SLC8A1: variants seen among roughly 807,000 people sequenced by gnomAD.
The protein encoded by SLC8A1 is solute carrier family 8 member A1.
A neutral mutation model predicts 68.3 loss-of-function variants in SLC8A1; 18 were observed. The observed-to-expected ratio is 0.26, with a 90% CI of 0.18 to 0.39. The LOEUF is 0.39. Among genes scored for constraint, SLC8A1 ranks in the 10% least tolerant of loss-of-function variants. SLC8A1 has a pLI of 1.00. For synonymous variants in SLC8A1, 475 were observed against 415.5 expected, an observed-to-expected ratio of 1.14 and a Z score of -1.74; for missense variants, 985 against 1,156.7, an observed-to-expected ratio of 0.85 and a Z score of 2.15.
chr2:40,392,061 G>A (rs1185380164), intron 2 of SLC8A1, among the ~76,000 whole-genome samples: 2 of 70,058 alleles, frequency 2.9e-5, no homozygotes, highest in Non-Finnish European at 2.6e-5. Flanking sequence ...AAAATAAGAA[G>A]GAAGGAGAAG....
rs572258156 is a variant in SLC8A1, at chr2:40,350,587, C to CAAAAAAAAA, written c.1808+77877_1808+77885dup. On this transcript the variant is annotated intron_variant, in intron 2 of 7. Coordinates refer to ENST00000406785, the Ensembl canonical transcript of SLC8A1. ...ATTACTTCTCACGCACCCAGACAAG[C>CAAAAAAAAA]AAAAAAAAAAAAAAAAAAAAAAAAA... 2.3e-3 allele frequency among the ~76,000 whole-genome samples: 179 copies of CAAAAAAAAA among 76,186 alleles called. 1 individual carries two copies. Among genetic ancestry groups the CAAAAAAAAA allele is most frequent in the Middle Eastern group, 9.1e-3 (1 of 110 alleles). 50.0% of individuals were successfully genotyped at this position (76,186 alleles called of 152,430 possible). A position where few individuals can be genotyped will look rare whatever the true frequency, so the allele number is the denominator to read the frequency against.
At chr2:40,162,860 G>A (rs890787778) in intron 5 of SLC8A1, among the ~76,000 whole-genome samples, 2 of 152,174 alleles carry the variant, frequency 1.3e-5, no homozygotes, top group Non-Finnish European at 1.5e-5. Context: ...TAAGAACTCA[G>A]TGGGTAAAGC....
chr2:40,355,727 T>C (rs2149460805), intron 2 of SLC8A1, among the ~76,000 whole-genome samples: 2 of 152,276 alleles, frequency 1.3e-5, no homozygotes, highest in South Asian at 2.1e-4. Flanking sequence ...GGTCCACTGC[T>C]CCAGGTCATC....
At chr2:40,347,833 C>T (rs1047485212) in intron 2 of SLC8A1, among the ~76,000 whole-genome samples, 8 of 152,074 alleles carry the variant, frequency 5.3e-5, no homozygotes, top group South Asian at 2.1e-4. Context: ...TTTCAAAGTC[C>T]ATACATTTTC....
At chr2:40,359,913 T>G (rs2149476088) in intron 2 of SLC8A1, among the ~76,000 whole-genome samples, 1 of 142,788 alleles carries the variant, frequency 7.0e-6, no homozygotes, top group East Asian at 2.0e-4. Flanking sequence ...TTAAATATCT[T>G]TTACCCAGAG....
In SLC8A1 at chr2:40,436,761, C is replaced by T. The variant is rs374616117; in HGVS notation, c.-24-6457G>A. On this transcript the variant is annotated intron_variant, in intron 1 of 7. Transcript: ENST00000406785. Reference sequence around the variant, plus strand: ...TTAAATATTAATCTGCATGCTAACACGGAAATATGGGTAGAAAAAAGAAAG... The same window carrying T: ...TTAAATATTAATCTGCATGCTAACATGGAAATATGGGTAGAAAAAAGAAAG... 3.5e-3 allele frequency among the ~76,000 whole-genome samples: 526 copies of T among 151,908 alleles called. 2 individuals carry two copies. The highest frequency in any genetic ancestry group is 4.6e-3 in the Non-Finnish European group (312 of 67,954).
intron 3 of SLC8A1, among the ~76,000 whole-genome samples, 176 bp from the exon 5 acceptor site, chr2:40,175,018 G>T (rs1255423876): frequency 6.6e-6 from 1 of 152,042 alleles, no homozygotes; most frequent in Non-Finnish European, 1.5e-5. Context: ...AAGATTATGA[G>T]ATTTAATGCA....
upstream of SLC8A1, among the ~76,000 whole-genome samples, chr2:40,454,851 G>C (rs372206594): frequency 1.1e-4 from 16 of 152,222 alleles, no homozygotes; most frequent in African/African-American, 3.6e-4. Flanking sequence ...ACAGGCACAA[G>C]GCTGAGGAAG....
intron 2 of SLC8A1, among the ~76,000 whole-genome samples, chr2:40,179,605 T>C (rs581568): frequency 0.11 from 16,978 of 152,236 alleles, 1,077 homozygotes; most frequent in Middle Eastern, 0.22. Context: ...CAAGTACAAT[T>C]CTGATCAATG....
At chr2:40,480,319 G>A (rs1704549350) in intron 1 of SLC8A1, among the ~76,000 whole-genome samples, 1 of 152,078 alleles carries the variant, frequency 6.6e-6, no homozygotes, top group Non-Finnish European at 1.5e-5. Flanking sequence ...TGATGTATGA[G>A]GAGGTGTGAC....
chr2:40,328,689 C>T (rs1017106554), intron 2 of SLC8A1, among the ~76,000 whole-genome samples: 1 of 152,176 alleles, frequency 6.6e-6, no homozygotes, highest in African/African-American at 2.4e-5. Flanking sequence ...AGTTCGCAAG[C>T]GTGTCATCTT....
intron 6 of SLC8A1, among the ~76,000 whole-genome samples, chr2:40,143,740 T>C (rs1249563634): frequency 6.6e-6 from 1 of 152,188 alleles, no homozygotes; most frequent in Non-Finnish European, 1.5e-5. Context: ...TGACTGACGG[T>C]GAAAGACAAC....
chr2:40,107,354 G>C (rs1053041900), exon 8 of SLC8A1: 3 of 150,980 alleles, frequency 2.0e-5, no homozygotes, highest in Non-Finnish European at 4.4e-5. Context: ...GCTATGTTTG[G>C]AGGGAAAATA....
chr2:40,422,025 G>T (rs1695648371), intron 2 of SLC8A1, among the ~76,000 whole-genome samples: 1 of 152,096 alleles, frequency 6.6e-6, no homozygotes, highest in Non-Finnish European at 1.5e-5. Flanking sequence ...AAGGCACTAT[G>T]GGAAGACAGC....
At chr2:40,468,526 T>C (rs1386028692) in intron 1 of SLC8A1, among the ~76,000 whole-genome samples, 2 of 152,194 alleles carry the variant, frequency 1.3e-5, no homozygotes, top group East Asian at 3.8e-4. Flanking sequence ...TATTTTTAAT[T>C]TCTGCTTAAT....
chr2:40,287,225 T>G (rs2068464455), intron 2 of SLC8A1, among the ~76,000 whole-genome samples: 2 of 152,176 alleles, frequency 1.3e-5, no homozygotes, highest in Non-Finnish European at 2.9e-5. Flanking sequence ...GATGTCTAAA[T>G]TAGTAGAAAA....
chr2:40,441,204 G>A (rs965999756), intron 1 of SLC8A1, among the ~76,000 whole-genome samples: 2 of 151,932 alleles, frequency 1.3e-5, no homozygotes, highest in Non-Finnish European at 2.9e-5. Flanking sequence ...AAAATATTTG[G>A]GAACATAGCT....
intron 1 of SLC8A1, among the ~76,000 whole-genome samples, chr2:40,488,777 G>T (rs1705134842): frequency 6.6e-6 from 1 of 152,060 alleles, no homozygotes; most frequent in Non-Finnish European, 1.5e-5. Context: ...TTGCTTGTCT[G>T]AGATTTTTCA....
At chr2:40,405,439 A>G (rs551426290) in intron 2 of SLC8A1, among the ~76,000 whole-genome samples, 42 of 152,336 alleles carry the variant, frequency 2.8e-4, no homozygotes, top group Non-Finnish European at 5.3e-4. Flanking sequence ...ATTTTAAAAG[A>G]GCTTGCCTTT....
Sources: gnomAD v4.1 joint callset for allele counts (sites outside exome capture counted in the v4.1 genomes callset) on GRCh38, gnomAD v4.1.1 for gene constraint, MANE v1.5 for transcripts, NCBI Gene and HGNC (gene_info 2026-07-23, HGNC 2026-07-21) for gene names.